CPQ: variants seen among roughly 807,000 people sequenced by gnomAD.
The protein encoded by CPQ is Ser-Met dipeptidase.
Under a neutral mutation model 45.7 loss-of-function variants are expected in CPQ, and 37 were observed. That is an observed-to-expected ratio of 0.81 (90% CI 0.62 to 1.07). The LOEUF is 1.07. Ranked by LOEUF, CPQ falls within the 50% of genes least tolerant of loss-of-function variation. CPQ has a pLI of 0.00. For missense variants in CPQ, 537 were observed against 572.9 expected (o/e 0.94, Z 0.64); for synonymous variants, 186 against 205.8 (o/e 0.90, Z 0.82).
At chr8:96,939,730 G>A (rs1714089061) in intron 4 of CPQ, among the ~76,000 whole-genome samples, 1 of 151,926 alleles carries the variant, frequency 6.6e-6, no homozygotes, top group African/African-American at 2.4e-5. Context: ...ATGGACTTTT[G>A]GGTCATTTCC....
intron 1 of CPQ, among the ~76,000 whole-genome samples, chr8:96,781,874 G>T (rs1810690586): frequency 6.6e-6 from 1 of 152,178 alleles, no homozygotes; most frequent in African/African-American, 2.4e-5. Context: ...AGGGGTAACT[G>T]GTTCCAAGTA....
At position 96,861,000 on chromosome 8, in the gene CPQ, C is replaced by T. The variant is rs898475862; in HGVS notation, c.642-18798C>T. 4.6e-5 allele frequency among the ~76,000 whole-genome samples: 7 copies of T among 152,070 alleles called. No homozygotes were observed. In the East Asian group the frequency reaches 7.8e-4, roughly 17 times the overall value. On this transcript the variant is annotated intron_variant, in intron 3 of 7. Transcript: ENST00000220763. ...GACAGTTTAACTCTTTGAAATATAA[C>T]GGAGGAAGGGTCAGAAATAAAGCAA... is the stretch of plus-strand genomic sequence containing the variant.
chr8:96,664,685 G>A (rs933247200), intron 1 of CPQ, among the ~76,000 whole-genome samples: 1 of 152,198 alleles, frequency 6.6e-6, no homozygotes, highest in African/African-American at 2.4e-5. Flanking sequence ...TAAGGGTAAA[G>A]GCGTCCTAAG....
chr8:96,646,007 G>A lies in CPQ; in HGVS notation c.-35+605G>A, dbSNP rs549197350. Among the ~76,000 whole-genome samples, 5 of 146,590 alleles carry A rather than the reference G, an allele frequency of 3.4e-5. 1 individual carries two copies. The highest frequency in any genetic ancestry group is 1.4e-4 in the Admixed American group (2 of 14,538). ...TAGAACTGAGTGAATTAACAAATGA[G>A]TAAGTGAATAAATGAGTGCATACGA... On this transcript the variant is annotated intron_variant, in intron 1 of 7. Coordinates refer to ENST00000220763, the MANE Select transcript of CPQ (RefSeq NM_016134.4).
chr8:96,890,186 A>T (rs987585682), intron 4 of CPQ, among the ~76,000 whole-genome samples: 2 of 152,266 alleles, frequency 1.3e-5, no homozygotes, highest in African/African-American at 4.8e-5. Context: ...ATATGAAGTC[A>T]ATAACTCTTA....
At chr8:96,762,847 G>C (rs181218874) in intron 1 of CPQ, among the ~76,000 whole-genome samples, 36 of 152,224 alleles carry the variant, frequency 2.4e-4, no homozygotes, top group Middle Eastern at 3.4e-3. Context: ...AAATTTAGGC[G>C]TATGATCAAT....
chr8:97,014,757 AG>A (rs1484526168), intron 5 of CPQ, among the ~76,000 whole-genome samples: 1 of 152,170 alleles, frequency 6.6e-6, no homozygotes, highest in Non-Finnish European at 1.5e-5. Context: ...AAAACAATAT[AG>A]GATTAATCCT....
At chr8:96,830,821 C>T (rs1011272138) in intron 2 of CPQ, among the ~76,000 whole-genome samples, 4 of 152,062 alleles carry the variant, frequency 2.6e-5, no homozygotes, top group African/African-American at 9.7e-5. Flanking sequence ...TTTTATATAC[C>T]TATTTGTTTT....
chr8:96,889,229 A>G lies in CPQ; in HGVS notation c.849+9224A>G, dbSNP rs1812343338. Among the ~76,000 whole-genome samples, 4 of 152,244 alleles carry G rather than the reference A, an allele frequency of 2.6e-5. No homozygotes were observed. In the South Asian group the frequency reaches 8.3e-4, roughly 32 times the overall value. Reference sequence around the variant, plus strand: ...ATTTTCATTTTAGCTTACTCTGGCCACTGCATACTTTTGAGTAGGCAAAGA... The same window carrying G: ...ATTTTCATTTTAGCTTACTCTGGCCGCTGCATACTTTTGAGTAGGCAAAGA... On this transcript the variant is annotated intron_variant, in intron 4 of 7. Transcript: ENST00000220763.
At chr8:96,825,276 C>A (rs1811364878) in intron 2 of CPQ, among the ~76,000 whole-genome samples, 1 of 151,978 alleles carries the variant, frequency 6.6e-6, no homozygotes, top group Non-Finnish European at 1.5e-5. Flanking sequence ...GGAAAAGATA[C>A]TTTCTCTTTC....
At chr8:97,010,600 C>G (rs1809471293) in intron 5 of CPQ, among the ~76,000 whole-genome samples, 1 of 152,162 alleles carries the variant, frequency 6.6e-6, no homozygotes, top group South Asian at 2.1e-4. Context: ...CCAGCTGTCT[C>G]TAAACACAGC....
chr8:96,652,029 A>T (rs1281413626), intron 1 of CPQ, among the ~76,000 whole-genome samples: 1 of 152,262 alleles, frequency 6.6e-6, no homozygotes, highest in Non-Finnish European at 1.5e-5. Flanking sequence ...TATACAACAC[A>T]GTATAATTAA....
intron 6 of CPQ, among the ~76,000 whole-genome samples, chr8:97,031,752 C>G (rs553850853): frequency 3.9e-5 from 6 of 152,294 alleles, no homozygotes; most frequent in African/African-American, 1.4e-4. Context: ...TCCAGGCTGC[C>G]TCCATACAAA....
rs549493957 is a variant in CPQ, at chr8:96,811,525, A to G, written c.434-23448A>G. Among the ~76,000 whole-genome samples, 4 of 152,320 alleles carry G rather than the reference A, an allele frequency of 2.6e-5. No individual in the cohort carries two copies. The South Asian group carries it at 8.3e-4, about 32-fold the overall frequency. On this transcript the variant is annotated intron_variant, in intron 2 of 7. Transcript: ENST00000220763. ...AAACAAAACAGGACTAAAATAAATGAATATGCAGAAGAAAGTGTGAGAGAT... is the reference window on the plus strand; with the variant it reads ...AAACAAAACAGGACTAAAATAAATGGATATGCAGAAGAAAGTGTGAGAGAT...
At chr8:97,025,643 A>G (rs1305600855) in intron 5 of CPQ, among the ~76,000 whole-genome samples, 1 of 152,176 alleles carries the variant, frequency 6.6e-6, no homozygotes, top group Non-Finnish European at 1.5e-5. Flanking sequence ...CTTACAGCAG[A>G]GCTTCCACTT....
intron 7 of CPQ, among the ~76,000 whole-genome samples, chr8:97,091,552 T>G (rs1811124441): frequency 6.6e-6 from 1 of 152,136 alleles, no homozygotes; most frequent in South Asian, 2.1e-4. Context: ...AAAATCAGTT[T>G]TAGGGCAGTA....
chr8:97,091,830 T>C (rs1011973738), intron 7 of CPQ, among the ~76,000 whole-genome samples: 2 of 151,408 alleles, frequency 1.3e-5, no homozygotes, highest in African/African-American at 4.8e-5. Context: ...TGTACTAATG[T>C]GAGAGATACA....
At chr8:97,059,804 C>T (rs955788141) in intron 6 of CPQ, among the ~76,000 whole-genome samples, 1 of 152,100 alleles carries the variant, frequency 6.6e-6, no homozygotes, top group African/African-American at 2.4e-5. Flanking sequence ...AACAGCATCA[C>T]CACCATTATC....
At chr8:96,731,244 A>G (rs1809910316) in intron 1 of CPQ, among the ~76,000 whole-genome samples, 3 of 152,124 alleles carry the variant, frequency 2.0e-5, no homozygotes. Flanking sequence ...CAGTTCTCTT[A>G]TATCTTAATT....
Sources: gnomAD v4.1 joint callset for allele counts (sites outside exome capture counted in the v4.1 genomes callset) on GRCh38, gnomAD v4.1.1 for gene constraint, MANE v1.5 for transcripts, NCBI Gene and HGNC (gene_info 2026-07-23, HGNC 2026-07-21) for gene names.